Variants in DCC observed in about 807,000 individuals in gnomAD.
DCC encodes the protein DCC netrin 1 receptor, also known as netrin receptor DCC.
Under a neutral mutation model 172.5 loss-of-function variants are expected in DCC, and 58 were observed. The observed-to-expected ratio is 0.34, with a 90% CI of 0.27 to 0.42. The LOEUF is 0.42. Among genes scored for constraint, DCC ranks in the 10% least tolerant of loss-of-function variants. DCC has a pLI of 1.00. For missense variants in DCC, 1,740 were observed against 1,791.0 expected (o/e 0.97, Z 0.51); for synonymous variants, 709 against 644.5 (o/e 1.10, Z -1.52).
At chr18:52,418,137 T>A (rs1987110074) in intron 1 of DCC, among the ~76,000 whole-genome samples, 1 of 152,196 alleles carries the variant, frequency 6.6e-6, no homozygotes, top group South Asian at 2.1e-4. Context: ...GAACACTTAC[T>A]GGAGCTATTT....
intron 12 of DCC, among the ~76,000 whole-genome samples, chr18:53,283,870 G>A (rs2056902867): frequency 6.6e-6 from 1 of 151,208 alleles, no homozygotes; most frequent in African/African-American, 2.4e-5. Context: ...CTTCATAAAA[G>A]ACAGCAGCAA....
intron 7 of DCC, among the ~76,000 whole-genome samples, chr18:53,125,793 T>C (rs1475890469): frequency 6.6e-6 from 1 of 152,088 alleles, no homozygotes; most frequent in Non-Finnish European, 1.5e-5. Context: ...TATACTACCA[T>C]TGACTAACTT....
At chr18:52,833,832 A>C (rs576430800) in intron 2 of DCC, among the ~76,000 whole-genome samples, 10 of 152,214 alleles carry the variant, frequency 6.6e-5, no homozygotes, top group Admixed American at 6.5e-4. Context: ...AGCTAATTAA[A>C]AAAAATTTTT....
chr18:53,028,435 A>AATT (rs1021447278), intron 5 of DCC, among the ~76,000 whole-genome samples: 18 of 152,150 alleles, frequency 1.2e-4, no homozygotes, highest in African/African-American at 4.3e-4. Context: ...AGTGAAGAAA[A>AATT]ATTATATAAA....
intron 7 of DCC, among the ~76,000 whole-genome samples, chr18:53,090,039 C>T (rs2042979925): frequency 6.6e-6 from 1 of 152,142 alleles, no homozygotes; most frequent in Non-Finnish European, 1.5e-5. Context: ...CTATTTGGCA[C>T]ACTATTTTGT....
chr18:53,391,924 A>G, intron 17 of DCC, 37 bp downstream of exon 17: 3 of 1,226,168 alleles, frequency 2.4e-6, no homozygotes, highest in Non-Finnish European at 3.6e-6. Flanking sequence ...TTTAAAATGA[A>G]CTGACATTTG....
At chr18:52,440,886 G>A (rs377747940) in intron 1 of DCC, among the ~76,000 whole-genome samples, 1 of 152,158 alleles carries the variant, frequency 6.6e-6, no homozygotes, top group Non-Finnish European at 1.5e-5. Context: ...CTCTGTATGT[G>A]CTCTGTGTAA....
Position 53,175,565 on chromosome 18 carries a change from C to T in DCC, c.1419-3397C>T, listed in dbSNP as rs1029319110. ...AACAGAGAGCCAAATCATGAGTGAA[C>T]TCCCATTCACAATTGCTTCAAAGAG... On this transcript the variant is annotated intron_variant, in intron 8 of 28. Transcript: ENST00000442544. Among the ~76,000 whole-genome samples, 103 of 148,966 alleles carry T rather than the reference C, an allele frequency of 6.9e-4. 1 individual carries two copies. Among genetic ancestry groups the T allele is most frequent in the African/African-American group, 6.3e-4 (26 of 41,098 alleles).
At chr18:53,264,704 T>C (rs568041771) in intron 12 of DCC, among the ~76,000 whole-genome samples, 2 of 152,154 alleles carry the variant, frequency 1.3e-5, no homozygotes, top group Non-Finnish European at 2.9e-5. Context: ...AGCGTTTAGA[T>C]CATTGAAAAG....
intron 12 of DCC, among the ~76,000 whole-genome samples, chr18:53,292,102 C>A (rs2057011254): frequency 7.7e-6 from 1 of 129,430 alleles, no homozygotes; most frequent in African/African-American, 2.9e-5. Flanking sequence ...TCTTTTTATT[C>A]TTTGAGCTCC....
intron 2 of DCC, among the ~76,000 whole-genome samples, chr18:52,795,107 TTGTC>T (rs1016513358): frequency 2.6e-5 from 4 of 152,016 alleles, no homozygotes; most frequent in Non-Finnish European, 4.4e-5. Flanking sequence ...TTTAAAATCT[TTGTC>T]TGGTGTTGGT....
chr18:52,563,510 C>T (rs1232001530), intron 1 of DCC, among the ~76,000 whole-genome samples: 3 of 152,074 alleles, frequency 2.0e-5, no homozygotes, highest in Non-Finnish European at 1.5e-5. Context: ...CTTCAGCAGG[C>T]ACACATAAGG....
intron 1 of DCC, among the ~76,000 whole-genome samples, chr18:52,456,725 G>A (rs1003510570): frequency 3.3e-5 from 5 of 152,132 alleles, no homozygotes; most frequent in Non-Finnish European, 7.4e-5. Flanking sequence ...ATTACATATA[G>A]AATTCCTGTG....
intron 1 of DCC, among the ~76,000 whole-genome samples, chr18:52,484,771 C>A (rs921966426): frequency 9.2e-5 from 14 of 151,494 alleles, no homozygotes; most frequent in African/African-American, 2.9e-4. Context: ...GTGTATCAAA[C>A]CTGCACATCT....
chr18:52,474,243 A>AG (rs1568186671), intron 1 of DCC, among the ~76,000 whole-genome samples: 1,123 of 36,222 alleles, frequency 0.031, 37 homozygotes, highest in East Asian at 0.061. Context: ...AGAGAGAGAG[A>AG]AAGAGAGAGA....
At chr18:52,348,005 TAC>T (rs1983954370) in intron 1 of DCC, among the ~76,000 whole-genome samples, 1 of 152,184 alleles carries the variant, frequency 6.6e-6, no homozygotes, top group Non-Finnish European at 1.5e-5. Context: ...TTGCCTTTTG[TAC>T]AGTTTTTCCA....
intron 12 of DCC, among the ~76,000 whole-genome samples, chr18:53,255,483 C>A (rs189342478): frequency 5.3e-5 from 8 of 150,104 alleles, no homozygotes; most frequent in African/African-American, 1.7e-4. Context: ...TTTTGTCTTG[C>A]GATAGTTTGC....
Position 52,847,924 on chromosome 18 carries a change from T to C in DCC, c.413-58120T>C, listed in dbSNP as rs528098165. On this transcript the variant is annotated intron_variant, in intron 2 of 28. Transcript: ENST00000442544. Reference sequence around the variant, plus strand: ...ATAGTAATCTCTGGTTTCTCCAGTTTTGGTATTTTGAATCTAGTTGTATGA... The same window carrying C: ...ATAGTAATCTCTGGTTTCTCCAGTTCTGGTATTTTGAATCTAGTTGTATGA... 2.0e-5 allele frequency among the ~76,000 whole-genome samples: 3 copies of C among 152,298 alleles called. No homozygotes were observed. In the East Asian group the frequency reaches 5.8e-4, roughly 29 times the overall value.
intron 7 of DCC, among the ~76,000 whole-genome samples, chr18:53,069,921 T>TGG (rs551394237): frequency 4.0e-5 from 6 of 151,040 alleles, no homozygotes; most frequent in Middle Eastern, 3.4e-3. Context: ...GTTGTGGGGT[T>TGG]GGGGGGGGTT....
Sources: allele counts gnomAD v4.1 joint callset (sites outside exome capture counted in the v4.1 genomes callset), GRCh38; gene constraint gnomAD v4.1.1; transcripts MANE v1.5; gene names NCBI Gene and HGNC (gene_info 2026-07-23, HGNC 2026-07-21).